Variants in FNDC3A observed in about 807,000 individuals in gnomAD.
FNDC3A encodes fibronectin type-III domain-containing protein 3A.
FNDC3A carries 32 observed loss-of-function variants against 148.9 expected under a neutral mutation model. That is an observed-to-expected ratio of 0.21 (90% CI 0.16 to 0.29). The LOEUF (loss-of-function observed/expected upper bound fraction) is 0.29. FNDC3A is among the 10% of genes least tolerant of loss of function. The pLI is 1.00. For missense variants in FNDC3A, 1,191 were observed against 1,452.8 expected (o/e 0.82, Z 2.93); for synonymous variants, 472 against 473.6 (o/e 1.00, Z 0.04).
intron 16 of FNDC3A, among the ~76,000 whole-genome samples, chr13:49,188,042 A>G (rs764239099): frequency 1.3e-5 from 2 of 152,220 alleles, no homozygotes; most frequent in African/African-American, 4.8e-5. Context: ...ACATCATACT[A>G]GTTTTAGTAG....
Position 49,171,043 on chromosome 13 carries a change from C to T in FNDC3A, c.1177-1000C>T, listed in dbSNP as rs75728273. Among the ~76,000 whole-genome samples the T allele has an allele frequency of 9.5e-3, 1,447 of 152,148 alleles. 14 individuals carry two copies. Among genetic ancestry groups the T allele is most frequent in the African/African-American group, 0.023 (940 of 41,516 alleles). On this transcript the variant is annotated intron_variant, in intron 10 of 25. Transcript: ENST00000492622. The stretch of plus-strand genomic sequence containing the variant: ...AGCTGGAGTTTCCCAAAGATTCTTC[C>T]TCTGCCCCGTTCACATTATATTCAT...
intron 4 of FNDC3A, among the ~76,000 whole-genome samples, chr13:49,129,352 A>G (rs1256896150): frequency 6.6e-6 from 1 of 152,254 alleles, no homozygotes. Context: ...TTGTTGCAAA[A>G]GAACGATACA....
chr13:49,073,190 T>C (rs935543536), intron 2 of FNDC3A, among the ~76,000 whole-genome samples: 2 of 152,174 alleles, frequency 1.3e-5, no homozygotes, highest in Admixed American at 1.3e-4. Flanking sequence ...ATAAAGAATT[T>C]AGTAAAGAAA....
intron 14 of FNDC3A, among the ~76,000 whole-genome samples, chr13:49,182,625 A>T (rs1885364522): frequency 6.6e-6 from 1 of 151,904 alleles, no homozygotes; most frequent in East Asian, 1.9e-4. Flanking sequence ...GAACCTTTAG[A>T]TACTTTCACT....
intron 1 of FNDC3A, among the ~76,000 whole-genome samples, chr13:48,985,312 A>G (rs902148213): frequency 6.6e-6 from 1 of 152,254 alleles, no homozygotes; most frequent in Non-Finnish European, 1.5e-5. Flanking sequence ...GAATATAAAT[A>G]GCTTCATCTT....
In FNDC3A at chr13:49,136,320, A is replaced by G. The variant is rs2137939715; in HGVS notation, c.491-12A>G. ...GTGATCTTCTTAACATTTTGTTTTT[A>G]TTGCCTCCTAGATGCTCACTCTACA... On this transcript the variant is annotated splice_polypyrimidine_tract_variant and intron_variant, in intron 5 of 25. Transcript: ENST00000492622. 1 of 1,597,490 alleles carries G rather than the reference A, an allele frequency of 6.3e-7. No homozygotes were observed. The highest frequency in any genetic ancestry group is 1.3e-5 in the African/African-American group (1 of 74,324).
intron 10 of FNDC3A, 152 bp from the exon 11 acceptor site, chr13:49,171,891 T>G (rs1884773697): frequency 1.8e-6 from 1 of 570,100 alleles, no homozygotes; most frequent in Non-Finnish European, 3.1e-6. Context: ...GGGCATACAA[T>G]ACATATATTT....
intron 3 of FNDC3A, among the ~76,000 whole-genome samples, chr13:49,114,102 C>T (rs1284130749): frequency 6.6e-6 from 1 of 152,050 alleles, no homozygotes; most frequent in Non-Finnish European, 1.5e-5. Context: ...AGACATGAGT[C>T]ACACATTACA....
chr13:48,994,545 G>A (rs1234868747), intron 1 of FNDC3A, among the ~76,000 whole-genome samples: 3 of 152,196 alleles, frequency 2.0e-5, no homozygotes, highest in African/African-American at 4.8e-5. Flanking sequence ...TTGGGAGGCC[G>A]ACGCGGGCAG....
intron 2 of FNDC3A, among the ~76,000 whole-genome samples, chr13:49,034,862 G>A (rs1874382265): frequency 6.6e-6 from 1 of 151,958 alleles, no homozygotes; most frequent in African/African-American, 2.4e-5. Context: ...AATGAACAAA[G>A]TAAATGAGCA....
chr13:49,193,404 G>A (rs1406324528), intron 19 of FNDC3A, among the ~76,000 whole-genome samples: 3 of 152,010 alleles, frequency 2.0e-5, no homozygotes, highest in Non-Finnish European at 4.4e-5. Context: ...GGGACTATAG[G>A]TGCACACCAC....
At position 49,001,504 on chromosome 13, in the gene FNDC3A, A is replaced by G. The variant is rs149636340; in HGVS notation, c.-39-4648A>G. 3.7e-3 allele frequency among the ~76,000 whole-genome samples: 561 copies of G among 152,334 alleles called. 2 individuals carry two copies. The highest frequency in any genetic ancestry group is 7.0e-3 in the Non-Finnish European group (477 of 68,030). ...TCTGACTGCCAGTGAGCTGGGCAGA[A>G]CAGAGCCATATTTCTCTTCTTTCAA... On this transcript the variant is annotated intron_variant, in intron 1 of 25. Transcript: ENST00000492622.
chr13:49,043,047 C>T (rs1157197121), intron 2 of FNDC3A, among the ~76,000 whole-genome samples: 1 of 151,924 alleles, frequency 6.6e-6, no homozygotes, highest in Admixed American at 6.6e-5. Context: ...CCTTGACCTC[C>T]TGGGCTCAAA....
chr13:49,194,583 G>A (rs909093450), intron 19 of FNDC3A, among the ~76,000 whole-genome samples: 1 of 151,962 alleles, frequency 6.6e-6, no homozygotes, highest in Admixed American at 6.6e-5. Context: ...GTTACTATGA[G>A]TCCATGAAAT....
chr13:49,121,866 C>T (rs900989587), intron 4 of FNDC3A, among the ~76,000 whole-genome samples: 1 of 152,082 alleles, frequency 6.6e-6, no homozygotes, highest in African/African-American at 2.4e-5. Flanking sequence ...GATAGCCTAA[C>T]AACCAAAAAA....
chr13:49,122,027 C>T (rs555322426), intron 4 of FNDC3A, among the ~76,000 whole-genome samples: 87 of 152,172 alleles, frequency 5.7e-4, no homozygotes, highest in Non-Finnish European at 1.1e-3. Flanking sequence ...GATACCAAAA[C>T]CTTGCAGAAG....
chr13:49,136,685 C>A, intron 6 of FNDC3A, 84 bp downstream of exon 6: 1 of 1,344,202 alleles, frequency 7.4e-7, no homozygotes, highest in South Asian at 1.4e-5. Flanking sequence ...ACCTTTCAGT[C>A]ATTTTGTCAT....
chr13:49,081,693 C>T (rs1878481956), intron 3 of FNDC3A, among the ~76,000 whole-genome samples: 1 of 152,210 alleles, frequency 6.6e-6, no homozygotes, highest in South Asian at 2.1e-4. Context: ...GGATTAACCA[C>T]ATCTACATTA....
At chr13:49,158,547 A>T (rs1349678994) in intron 8 of FNDC3A, among the ~76,000 whole-genome samples, 1 of 151,806 alleles carries the variant, frequency 6.6e-6, no homozygotes, top group Non-Finnish European at 1.5e-5. Flanking sequence ...GATTGCAAAA[A>T]TTTTCTCCCA....
Sources: allele counts gnomAD v4.1 joint callset (sites outside exome capture counted in the v4.1 genomes callset), GRCh38; gene constraint gnomAD v4.1.1; transcripts MANE v1.5; gene names NCBI Gene and HGNC (gene_info 2026-07-23, HGNC 2026-07-21).